Variants in MGAT5 observed in about 807,000 individuals in gnomAD.
MGAT5 encodes the protein alpha-1,6-mannosylglycoprotein 6-beta-N-acetylglucosaminyltransferase A.
In MGAT5, 30 loss-of-function variants were observed where a neutral mutation model predicts 94.3. The ratio of observed to expected loss-of-function variants is 0.32; its 90% CI spans 0.24 to 0.43. The LOEUF is 0.43. Among genes scored for constraint, MGAT5 ranks in the 20% least tolerant of loss-of-function variants. The pLI, the probability that MGAT5 is intolerant of heterozygous loss-of-function variation, is 1.00. For missense variants in MGAT5, 691 were observed against 905.5 expected, an observed-to-expected ratio of 0.76 and a Z score of 3.04; for synonymous variants, 310 against 322.9, an observed-to-expected ratio of 0.96 and a Z score of 0.43.
chr2:134,373,249 G>A (rs1680933919), intron 10 of MGAT5, among the ~76,000 whole-genome samples: 2 of 152,196 alleles, frequency 1.3e-5, no homozygotes, highest in Admixed American at 6.5e-5. Flanking sequence ...ACAAGGAGGA[G>A]GCAGCGTCTC....
intron 1 of MGAT5, among the ~76,000 whole-genome samples, chr2:134,235,512 G>C (rs1287552094): frequency 6.6e-6 from 1 of 152,064 alleles, no homozygotes; most frequent in African/African-American, 2.4e-5. Context: ...ACAGAGCAGA[G>C]GAATTGAGGA....
intron 1 of MGAT5, among the ~76,000 whole-genome samples, chr2:134,121,896 G>C (rs1316441436): frequency 6.6e-6 from 1 of 152,086 alleles, no homozygotes; most frequent in Non-Finnish European, 1.5e-5. Context: ...AAGCCTTACG[G>C]CTGCATCAGA....
intron 4 of MGAT5, among the ~76,000 whole-genome samples, chr2:134,330,464 G>A (rs564070469): frequency 6.6e-6 from 1 of 152,002 alleles, no homozygotes; most frequent in Non-Finnish European, 1.5e-5. Context: ...AGAAGTTATA[G>A]TGGCAAATTC....
chr2:134,127,465 T>C (rs1020834832), intron 1 of MGAT5, among the ~76,000 whole-genome samples: 6 of 151,518 alleles, frequency 4.0e-5, no homozygotes, highest in Non-Finnish European at 8.8e-5. Flanking sequence ...GCAATTCTTA[T>C]GTCCAGTGAG....
rs562352830 is a variant in MGAT5 at position 134,432,622 on chromosome 2, CAG to C, written c.1869+4189_1869+4190del. On this transcript the variant is annotated intron_variant, in intron 14 of 15. Coordinates refer to ENST00000281923, the MANE Select transcript of MGAT5 (RefSeq NM_002410.5). ...TTGTTTACCCAGCCTTTCCTGCACC[CAG>C]AGAGACTAGGCAGGTAATGATTAAG... Among the ~76,000 whole-genome samples the C allele has an allele frequency of 1.1e-4, 16 of 152,350 alleles. 2 individuals are homozygous for C. Among genetic ancestry groups the C allele is most frequent in the African/African-American group, 3.8e-4 (16 of 41,586 alleles).
rs201311442 is a variant in MGAT5 at position 134,313,037 on chromosome 2, AACACACACACACACACACAC to A, written c.407-4456_407-4437del. 3.4e-3 allele frequency among the ~76,000 whole-genome samples: 469 copies of A among 139,282 alleles called. 6 individuals carry two copies. Among genetic ancestry groups the A allele is most frequent in the African/African-American group, 3.4e-3 (120 of 35,726 alleles). The allele number at this position is 139,282 out of a possible 152,430, so 91.4% of individuals were successfully genotyped here. A position where few individuals can be genotyped will look rare whatever the true frequency, so the allele number is the denominator to read the frequency against. On this transcript the variant is annotated intron_variant, in intron 2 of 15. Transcript: ENST00000281923. ...CTGAGGCCACAGACAGCAAGAAATA[AACACACACACACACACACAC>A]ACACACACACACACACACACACACA...
intron 7 of MGAT5, among the ~76,000 whole-genome samples, chr2:134,343,712 A>G (rs1688758991): frequency 1.3e-5 from 2 of 152,182 alleles, no homozygotes; most frequent in South Asian, 4.1e-4. Context: ...AACACTGAAC[A>G]TGGGGTGGAC....
chr2:134,399,217 A>G (rs7598776), intron 10 of MGAT5, among the ~76,000 whole-genome samples: 148,340 of 152,326 alleles, frequency 0.97, 72,307 homozygotes, highest in East Asian at 1. Flanking sequence ...ATGTTGTAAA[A>G]TAAGTTGGGG....
At chr2:134,305,077 A>G (rs1686246860) in intron 2 of MGAT5, among the ~76,000 whole-genome samples, 1 of 147,824 alleles carries the variant, frequency 6.8e-6, no homozygotes, top group African/African-American at 2.5e-5. Context: ...TCTGGCTTTC[A>G]GCTTCTTTTA....
At chr2:134,355,883 A>G (rs1266237351) in intron 9 of MGAT5, among the ~76,000 whole-genome samples, 1 of 152,190 alleles carries the variant, frequency 6.6e-6, no homozygotes, top group Non-Finnish European at 1.5e-5. Flanking sequence ...GCATTACAAG[A>G]TACCCCATCC....
chr2:134,397,033 G>C (rs974470672), intron 10 of MGAT5, among the ~76,000 whole-genome samples: 2 of 152,194 alleles, frequency 1.3e-5, no homozygotes, highest in African/African-American at 4.8e-5. Context: ...TGGGAATGAG[G>C]GATAAGTTAA....
chr2:134,418,626 T>A (rs145912595), intron 12 of MGAT5, among the ~76,000 whole-genome samples: 1 of 152,276 alleles, frequency 6.6e-6, no homozygotes, highest in East Asian at 1.9e-4. Context: ...TGGAAGTGCA[T>A]GAAGAAATAG....
intron 1 of MGAT5, among the ~76,000 whole-genome samples, chr2:134,187,383 G>C (rs749093332): frequency 6.6e-6 from 1 of 152,172 alleles, no homozygotes; most frequent in Non-Finnish European, 1.5e-5. Flanking sequence ...GGTGAGGGGA[G>C]GGAGGTAATG....
At position 134,267,469 on chromosome 2, in the gene MGAT5, C is replaced by T. The variant is rs534557887; in HGVS notation, c.242-2917C>T. ...GTGGAGGAGGTTATATTGGGGTGGC[C>T]GTGGTGATGGTGATCCCTCCTCCTC... On this transcript the variant is annotated intron_variant, in intron 1 of 15. Transcript: ENST00000281923. 1.6e-3 allele frequency among the ~76,000 whole-genome samples: 249 copies of T among 152,206 alleles called. 3 individuals are homozygous for T. The highest frequency in any genetic ancestry group is 5.4e-3 in the African/African-American group (224 of 41,528).
intron 12 of MGAT5, among the ~76,000 whole-genome samples, chr2:134,413,732 A>G (rs1288019483): frequency 6.6e-6 from 1 of 152,216 alleles, no homozygotes; most frequent in Non-Finnish European, 1.5e-5. Context: ...ATTTCTATGT[A>G]GTTAGTAGTA....
At chr2:134,355,020 G>C (rs1411166651) in intron 9 of MGAT5, among the ~76,000 whole-genome samples, 1 of 152,086 alleles carries the variant, frequency 6.6e-6, no homozygotes, top group East Asian at 1.9e-4. Context: ...AAGTATTCAA[G>C]ACCTTAGGCT....
Position 134,349,896 on chromosome 2 carries a change from G to A in MGAT5, c.1204G>A (p.Gly402Arg), listed in dbSNP as rs1484509674. 6.2e-7 allele frequency: 1 copy of A among 1,613,218 alleles called. No individual in the cohort carries two copies. The highest frequency in any genetic ancestry group is 8.5e-7 in the Non-Finnish European group (1 of 1,179,604). ...AQSKGHKTPW[G>R]KWNLNPQQFY... Reference sequence around the variant, plus strand: ...ATCGAAAGGCCACAAGACCCCTTGGGGAAAATGGAATCTGAACCCTCAGCA... The same window carrying A: ...ATCGAAAGGCCACAAGACCCCTTGGAGAAAATGGAATCTGAACCCTCAGCA... The change falls in exon 9 of 16, where the codon GGA (glycine) becomes AGA (arginine). Residue 402 changes from glycine to arginine, a missense_variant. Coordinates refer to ENST00000281923, the MANE Select transcript of MGAT5 (RefSeq NM_002410.5).
intron 2 of MGAT5, among the ~76,000 whole-genome samples, chr2:134,272,116 A>G (rs75998267): frequency 0.013 from 2,025 of 152,324 alleles, 55 homozygotes; most frequent in African/African-American, 0.046. Context: ...TGCAAGGCTC[A>G]CAAGGACTTT....
At chr2:134,389,425 G>T (rs1380125527) in intron 10 of MGAT5, among the ~76,000 whole-genome samples, 1 of 151,402 alleles carries the variant, frequency 6.6e-6, no homozygotes. Flanking sequence ...GTCTTTTCCA[G>T]ATTTGCTCCT....
Sources: gnomAD v4.1 joint callset for allele counts (sites outside exome capture counted in the v4.1 genomes callset) on GRCh38, gnomAD v4.1.1 for gene constraint, MANE v1.5 for transcripts, NCBI Gene and HGNC (gene_info 2026-07-23, HGNC 2026-07-21) for gene names.